SH3RF1: variants seen among roughly 807,000 people sequenced by gnomAD.
SH3RF1 encodes the protein SH3 domain containing ring finger 1.
A neutral mutation model predicts 74.0 loss-of-function variants in SH3RF1; 32 were observed. That is an observed-to-expected ratio of 0.43 (90% CI 0.33 to 0.58). The LOEUF (loss-of-function observed/expected upper bound fraction) is 0.58, where lower values mean the gene tolerates loss of function less well. Ranked by LOEUF, SH3RF1 falls within the 20% of genes least tolerant of loss-of-function variation. SH3RF1 has a pLI of 0.05. For missense variants in SH3RF1, 954 were observed against 1,130.9 expected (o/e 0.84, Z 2.24); for synonymous variants, 396 against 439.6 (o/e 0.90, Z 1.24).
chr4:169,264,607 T>G (rs973806736), intron 2 of SH3RF1, among the ~76,000 whole-genome samples: 1 of 152,220 alleles, frequency 6.6e-6, no homozygotes, highest in Non-Finnish European at 1.5e-5. Flanking sequence ...CCTACCTTTC[T>G]TTCCCGATCT....
intron 4 of SH3RF1, among the ~76,000 whole-genome samples, chr4:169,153,736 C>G (rs1734008864): frequency 1.3e-5 from 2 of 152,276 alleles, no homozygotes; most frequent in Non-Finnish European, 2.9e-5. Context: ...TAAAGATAGA[C>G]AGCTTGTTTA....
In SH3RF1 at chr4:169,205,094, A is replaced by G. The variant is rs77494005; in HGVS notation, c.394-48415T>C. Among the ~76,000 whole-genome samples the G allele has an allele frequency of 2.8e-3, 423 of 152,358 alleles. 11 individuals carry two copies. In the East Asian group the frequency reaches 0.072, roughly 26 times the overall value. On this transcript the variant is annotated intron_variant, in intron 2 of 11. Transcript: ENST00000284637. ...TGATGTGCTGACAGAGTAACAAGGG[A>G]GTGAAGGGAAATAGCTTCATTAAAT...
intron 2 of SH3RF1, among the ~76,000 whole-genome samples, chr4:169,165,372 T>C (rs889097611): frequency 2.6e-5 from 4 of 152,064 alleles, no homozygotes; most frequent in African/African-American, 9.7e-5. Context: ...GTTGAGAACA[T>C]GTTTTAGTAT....
chr4:169,203,424 G>A (rs989448199), intron 2 of SH3RF1, among the ~76,000 whole-genome samples: 3 of 151,954 alleles, frequency 2.0e-5, no homozygotes, highest in Admixed American at 1.3e-4. Context: ...GGTGGTGTGC[G>A]CCTGTAATCC....
intron 2 of SH3RF1, among the ~76,000 whole-genome samples, chr4:169,160,550 C>A (rs1734134593): frequency 6.6e-6 from 1 of 152,180 alleles, no homozygotes; most frequent in East Asian, 1.9e-4. Flanking sequence ...TTTCAATGAT[C>A]AATAACCACA....
rs1390710380 is a variant in SH3RF1 at position 169,239,108 on chromosome 4, T to A, written c.393+29712A>T. 5.9e-5 allele frequency among the ~76,000 whole-genome samples: 9 copies of A among 152,306 alleles called. No individual in the cohort carries two copies. In the East Asian group the frequency reaches 1.7e-3, roughly 29 times the overall value. Reference sequence around the variant, plus strand: ...GAATATACTAGACATATCTGGCTCATTTAAGTCATTCTTCACCAATCTTTC... The same window carrying A: ...GAATATACTAGACATATCTGGCTCAATTAAGTCATTCTTCACCAATCTTTC... On this transcript the variant is annotated intron_variant, in intron 2 of 11. Coordinates refer to ENST00000284637, the MANE Select transcript of SH3RF1 (RefSeq NM_020870.4).
At position 169,158,236 on chromosome 4, in the gene SH3RF1, G is replaced by A. The variant is rs1245611754; in HGVS notation, c.394-1557C>T. 5.3e-5 allele frequency among the ~76,000 whole-genome samples: 8 copies of A among 152,160 alleles called. No individual in the cohort carries two copies. The East Asian group carries it at 5.8e-4, about 11-fold the overall frequency. On this transcript the variant is annotated intron_variant, in intron 2 of 11. Transcript: ENST00000284637. The stretch of plus-strand genomic sequence containing the variant: ...TGAGTAGGAAAATGAAACACTTCCT[G>A]GAGGAAGTGACACATGAGCCAAGTC...
chr4:169,174,998 T>C (rs1404754733), intron 2 of SH3RF1, among the ~76,000 whole-genome samples: 3 of 152,186 alleles, frequency 2.0e-5, no homozygotes, highest in Non-Finnish European at 4.4e-5. Flanking sequence ...GGTTTCCACC[T>C]ACCCCCATGA....
At chr4:169,156,057 A>AAT (rs1734045647) in intron 3 of SH3RF1, among the ~76,000 whole-genome samples, 1 of 152,242 alleles carries the variant, frequency 6.6e-6, no homozygotes, top group South Asian at 2.1e-4. Flanking sequence ...TTACATATAA[A>AAT]ATATGAAAGT....
intron 10 of SH3RF1, among the ~76,000 whole-genome samples, chr4:169,115,160 A>T (rs1454029127): frequency 2.6e-5 from 4 of 151,980 alleles, no homozygotes; most frequent in South Asian, 2.1e-4. Flanking sequence ...ATGAGACATT[A>T]AAAAAAACCC....
At position 169,210,030 on chromosome 4, in the gene SH3RF1, A is replaced by T. The variant is rs564029632; in HGVS notation, c.394-53351T>A. On this transcript the variant is annotated intron_variant, in intron 2 of 11. Transcript: ENST00000284637. Reference sequence around the variant, plus strand: ...AGGCTGGTCTCAAACTCCTGAGCTCAAGCAATATGCCTGTCTTGGCCTCCC... The same window carrying T: ...AGGCTGGTCTCAAACTCCTGAGCTCTAGCAATATGCCTGTCTTGGCCTCCC... Among the ~76,000 whole-genome samples the T allele has an allele frequency of 2.4e-4, 36 of 152,296 alleles. No individual in the cohort carries two copies. In the East Asian group the frequency reaches 5.8e-3, roughly 25 times the overall value.
chr4:169,126,678 G>T (rs1247182815), intron 6 of SH3RF1, among the ~76,000 whole-genome samples: 1 of 151,994 alleles, frequency 6.6e-6, no homozygotes, highest in Admixed American at 6.6e-5. Flanking sequence ...CAACCTCCTG[G>T]GCTCAAGTGA....
intron 11 of SH3RF1, among the ~76,000 whole-genome samples, chr4:169,097,796 A>G (rs948274857): frequency 3.9e-5 from 6 of 152,176 alleles, no homozygotes; most frequent in African/African-American, 1.4e-4. Context: ...CAGAAATGAC[A>G]GTGGGTGATT....
At chr4:169,099,430 A>C (rs1019376460) in intron 11 of SH3RF1, among the ~76,000 whole-genome samples, 1 of 152,234 alleles carries the variant, frequency 6.6e-6, no homozygotes, top group African/African-American at 2.4e-5. Flanking sequence ...TTCATCATGA[A>C]TTTATCTGAA....
At chr4:169,136,077 T>C (rs1733694716) in intron 5 of SH3RF1, among the ~76,000 whole-genome samples, 1 of 152,222 alleles carries the variant, frequency 6.6e-6, no homozygotes, top group South Asian at 2.1e-4. Flanking sequence ...ACTCATCTTG[T>C]AAGTTCTGAT....
intron 2 of SH3RF1, among the ~76,000 whole-genome samples, chr4:169,243,623 T>G (rs1730949032): frequency 6.6e-6 from 1 of 152,222 alleles, no homozygotes; most frequent in African/African-American, 2.4e-5. Context: ...TTTTAAGCAC[T>G]CCCCTATTAG....
chr4:169,112,546 T>C (rs1733259481), intron 10 of SH3RF1, among the ~76,000 whole-genome samples: 1 of 152,154 alleles, frequency 6.6e-6, no homozygotes, highest in Non-Finnish European at 1.5e-5. Flanking sequence ...CTCTCAAAAA[T>C]GAAATTCTAA....
intron 2 of SH3RF1, among the ~76,000 whole-genome samples, chr4:169,172,893 G>A (rs1293129920): frequency 6.6e-6 from 1 of 152,200 alleles, no homozygotes; most frequent in Non-Finnish European, 1.5e-5. Context: ...ACTAGGGTAG[G>A]AGAGAAGAGA....
chr4:169,266,497 T>A (rs1731358529), intron 2 of SH3RF1, among the ~76,000 whole-genome samples: 1 of 152,174 alleles, frequency 6.6e-6, no homozygotes, highest in Non-Finnish European at 1.5e-5. Flanking sequence ...AGGAGTCTTT[T>A]CTAGAAATGT....
Sources: allele counts gnomAD v4.1 joint callset (sites outside exome capture counted in the v4.1 genomes callset), GRCh38; gene constraint gnomAD v4.1.1; transcripts MANE v1.5; gene names NCBI Gene and HGNC (gene_info 2026-07-23, HGNC 2026-07-21).